Variants in PCDH15 observed in about 807,000 individuals in gnomAD.
PCDH15 encodes protocadherin related 15, also known as protocadherin-15.
PCDH15 carries 129 observed loss-of-function variants against 178.5 expected under a neutral mutation model. That is an observed-to-expected ratio of 0.72 (90% CI 0.63 to 0.84). The LOEUF (loss-of-function observed/expected upper bound fraction) is 0.84, where lower values mean the gene tolerates loss of function less well. PCDH15 is among the 40% of genes least tolerant of loss of function. PCDH15 has a pLI of 0.00. For missense variants in PCDH15, 2,230 were observed against 2,099.9 expected (o/e 1.06, Z -1.21); for synonymous variants, 800 against 732.0 (o/e 1.09, Z -1.50).
At chr10:55,009,921 C>T (rs1840012965) in intron 2 of PCDH15, among the ~76,000 whole-genome samples, 1 of 152,194 alleles carries the variant, frequency 6.6e-6, no homozygotes. Flanking sequence ...CCTTGGAAAA[C>T]TGCACAAAAT....
intron 2 of PCDH15, among the ~76,000 whole-genome samples, chr10:55,339,828 C>T (rs187697953): frequency 1.4e-4 from 21 of 151,900 alleles, no homozygotes; most frequent in African/African-American, 5.1e-4. Context: ...AAAGAGAAAT[C>T]AGTATTAAGC....
intron 29 of PCDH15, among the ~76,000 whole-genome samples, chr10:53,838,803 T>G (rs1351001728): frequency 6.6e-6 from 1 of 152,156 alleles, no homozygotes; most frequent in Non-Finnish European, 1.5e-5. Flanking sequence ...AAATGTTGCT[T>G]CATTTTGGTG....
chr10:54,659,631 G>T (rs2094459456), intron 2 of PCDH15, among the ~76,000 whole-genome samples: 1 of 151,876 alleles, frequency 6.6e-6, no homozygotes. Flanking sequence ...GGGCATGCCT[G>T]TAATCCCAGC....
intron 26 of PCDH15, among the ~76,000 whole-genome samples, chr10:53,878,218 ATATAT>A (rs2080389164): frequency 7.7e-5 from 1 of 12,944 alleles, no homozygotes; most frequent in African/African-American, 1.9e-4. Flanking sequence ...CACTTTGAAT[ATATAT>A]ATATATATAT....
At chr10:55,463,981 AAGAAAGAAAGAG>A (rs1839760089) in intron 2 of PCDH15, among the ~76,000 whole-genome samples, 3 of 37,802 alleles carry the variant, frequency 7.9e-5, no homozygotes, top group African/African-American at 7.7e-4. Context: ...AAGAGAAAGA[AAGAAAGAAAGAG>A]AAAGAAAGAA....
chr10:54,273,780 A>G (rs1203073530), intron 8 of PCDH15, among the ~76,000 whole-genome samples: 2 of 152,078 alleles, frequency 1.3e-5, no homozygotes, highest in Admixed American at 6.6e-5. Context: ...ACTGCTTGCA[A>G]TTTTAGAGGA....
chr10:55,343,300 T>C (rs1844652873), intron 2 of PCDH15, among the ~76,000 whole-genome samples: 1 of 152,124 alleles, frequency 6.6e-6, no homozygotes, highest in Admixed American at 6.6e-5. Context: ...CAGAGATATA[T>C]GTATGCTATC....
At chr10:54,050,534 T>C (rs190837730) in intron 18 of PCDH15, among the ~76,000 whole-genome samples, 4 of 152,276 alleles carry the variant, frequency 2.6e-5, no homozygotes, top group Admixed American at 2.6e-4. Context: ...TGATCCTTTA[T>C]ATAGATTTTG....
At chr10:54,109,705 G>C (rs1171379771) in intron 15 of PCDH15, among the ~76,000 whole-genome samples, 1 of 152,158 alleles carries the variant, frequency 6.6e-6, no homozygotes. Context: ...CGTAATGCAG[G>C]TTTATGGGGG....
At chr10:54,576,446 G>A (rs1209758730) in intron 2 of PCDH15, among the ~76,000 whole-genome samples, 1 of 152,188 alleles carries the variant, frequency 6.6e-6, no homozygotes, top group Non-Finnish European at 1.5e-5. Context: ...ACAACTTGCT[G>A]TAAATGAAAG....
intron 2 of PCDH15, among the ~76,000 whole-genome samples, chr10:55,020,929 G>A (rs777276052): frequency 2.6e-5 from 4 of 152,082 alleles, no homozygotes; most frequent in South Asian, 2.1e-4. Flanking sequence ...CTTATCTTAC[G>A]CAAAAATGCA....
At chr10:53,838,710 C>T (rs2077455557) in intron 29 of PCDH15, among the ~76,000 whole-genome samples, 1 of 152,102 alleles carries the variant, frequency 6.6e-6, no homozygotes, top group African/African-American at 2.4e-5. Flanking sequence ...ATATGAATTA[C>T]TTTGGAAGTT....
intron 2 of PCDH15, among the ~76,000 whole-genome samples, chr10:55,452,069 A>G (rs529872993): frequency 1.3e-5 from 2 of 152,288 alleles, no homozygotes; most frequent in African/African-American, 4.8e-5. Context: ...AGAAATAAAG[A>G]GATATTTTTG....
At chr10:53,903,856 A>T (rs2082491983) in intron 25 of PCDH15, among the ~76,000 whole-genome samples, 1 of 152,172 alleles carries the variant, frequency 6.6e-6, no homozygotes, top group Admixed American at 6.5e-5. Context: ...TTTTAAGACT[A>T]AAAGTAACAG....
Position 54,106,647 on chromosome 10 carries a change from A to T in PCDH15, c.1918-16584T>A, listed in dbSNP as rs144242041. Among the ~76,000 whole-genome samples, 289 of 152,358 alleles carry T rather than the reference A, an allele frequency of 1.9e-3. 2 individuals carry two copies. Among genetic ancestry groups the T allele is most frequent in the African/African-American group, 6.3e-3 (261 of 41,592 alleles). On this transcript the variant is annotated intron_variant, in intron 15 of 37. Transcript: ENST00000644397. ...AAAACAGACTTGCTTCAAGTGGTATAGGATTAGACAATTAGGTTCGTACAA... is the reference window on the plus strand; with the variant it reads ...AAAACAGACTTGCTTCAAGTGGTATTGGATTAGACAATTAGGTTCGTACAA...
At chr10:54,363,415 C>T (rs983578938) in intron 5 of PCDH15, among the ~76,000 whole-genome samples, 3 of 152,034 alleles carry the variant, frequency 2.0e-5, no homozygotes, top group Non-Finnish European at 2.9e-5. Flanking sequence ...CTACCATTTT[C>T]GTTTTCAGGT....
At chr10:54,731,126 A>G (rs1943270562) in intron 1 of PCDH15, among the ~76,000 whole-genome samples, 1 of 151,442 alleles carries the variant, frequency 6.6e-6, no homozygotes, top group Admixed American at 6.6e-5. Context: ...AAAGAGACAT[A>G]CAAATGGCCC....
chr10:54,179,987 A>C (rs1242390474), intron 13 of PCDH15, among the ~76,000 whole-genome samples: 1 of 152,182 alleles, frequency 6.6e-6, no homozygotes, highest in Non-Finnish European at 1.5e-5. Context: ...GTGGATTGGT[A>C]TTAGTGGAGC....
chr10:55,586,621 G>A (rs1261722873), intron 2 of PCDH15, among the ~76,000 whole-genome samples: 2 of 151,996 alleles, frequency 1.3e-5, no homozygotes, highest in Non-Finnish European at 2.9e-5. Flanking sequence ...TAGATAAAGG[G>A]GCAAATGTGT....
Sources: gnomAD v4.1 joint callset for allele counts (sites outside exome capture counted in the v4.1 genomes callset) on GRCh38, gnomAD v4.1.1 for gene constraint, MANE v1.5 for transcripts, NCBI Gene and HGNC (gene_info 2026-07-23, HGNC 2026-07-21) for gene names.